The following DLG2 variants were observed in gnomAD, a reference collection of about 807,000 sequenced individuals.
DLG2 encodes disks large homolog 2.
Under a neutral mutation model 132.5 loss-of-function variants are expected in DLG2, and 45 were observed. The observed-to-expected ratio is 0.34, with a 90% CI of 0.27 to 0.44. DLG2 has a LOEUF of 0.44. DLG2 is among the 20% of genes least tolerant of loss of function. DLG2 has a pLI of 1.00. For synonymous variants in DLG2, 424 were observed against 419.6 expected (o/e 1.01, Z -0.13); for missense variants, 1,045 against 1,196.9 (o/e 0.87, Z 1.87).
At chr11:85,362,322 C>T (rs1426558535) in intron 3 of DLG2, among the ~76,000 whole-genome samples, 1 of 151,992 alleles carries the variant, frequency 6.6e-6, no homozygotes, top group African/African-American at 2.4e-5. Context: ...TTTAATATGT[C>T]CCTAGGTTTT....
In DLG2 at chr11:84,735,259, G is replaced by A. The variant is rs183993551; in HGVS notation, c.358-200528C>T. Among the ~76,000 whole-genome samples the A allele has an allele frequency of 3.5e-3, 533 of 152,134 alleles. 2 individuals are homozygous for A. The highest frequency in any genetic ancestry group is 9.7e-3 in the African/African-American group (404 of 41,540). Reference sequence around the variant, plus strand: ...TCTGGTAGAATTTGGCTGTGAATCCGTCTGGTCCTGGACTTTTTTGGTTGG... The same window carrying A: ...TCTGGTAGAATTTGGCTGTGAATCCATCTGGTCCTGGACTTTTTTGGTTGG... On this transcript the variant is annotated intron_variant, in intron 6 of 27. Coordinates refer to ENST00000376104, the MANE Select transcript of DLG2 (RefSeq NM_001142699.3).
intron 19 of DLG2, among the ~76,000 whole-genome samples, chr11:83,584,342 G>C (rs1301181370): frequency 2.6e-5 from 4 of 152,220 alleles, no homozygotes; most frequent in Non-Finnish European, 1.5e-5. Flanking sequence ...ATGTAAAGGA[G>C]TTGATAGCCC....
intron 7 of DLG2, among the ~76,000 whole-genome samples, chr11:84,482,480 A>G (rs959747345): frequency 3.9e-5 from 6 of 152,226 alleles, no homozygotes; most frequent in African/African-American, 1.4e-4. Flanking sequence ...ATGTCAGTTA[A>G]TAATAATAAA....
intron 4 of DLG2, among the ~76,000 whole-genome samples, chr11:85,274,519 T>C (rs1304686527): frequency 6.6e-6 from 1 of 152,174 alleles, no homozygotes; most frequent in East Asian, 1.9e-4. Flanking sequence ...GACTAACCAT[T>C]ACAGTAAAGA....
At chr11:83,603,290 TC>T (rs1202897360) in intron 19 of DLG2, among the ~76,000 whole-genome samples, 2 of 152,166 alleles carry the variant, frequency 1.3e-5, no homozygotes, top group East Asian at 3.9e-4. Flanking sequence ...CATAAGTAAC[TC>T]TCCTGAAATT....
chr11:84,365,627 C>T (rs533256339), intron 7 of DLG2, among the ~76,000 whole-genome samples: 90 of 151,882 alleles, frequency 5.9e-4, no homozygotes, highest in African/African-American at 2.2e-3. Context: ...TGGATCTTTC[C>T]TGCTTTCTCT....
chr11:84,975,955 C>T (rs1431159321), intron 6 of DLG2, among the ~76,000 whole-genome samples: 4 of 152,138 alleles, frequency 2.6e-5, no homozygotes, highest in African/African-American at 9.7e-5. Flanking sequence ...AATGTCATCC[C>T]TTTCATTCCT....
intron 8 of DLG2, among the ~76,000 whole-genome samples, chr11:84,194,666 A>C (rs1003448317): frequency 6.6e-6 from 1 of 152,196 alleles, no homozygotes; most frequent in Non-Finnish European, 1.5e-5. Flanking sequence ...TGGTGTATTT[A>C]CAAACCTTTA....
intron 18 of DLG2, among the ~76,000 whole-genome samples, chr11:83,778,574 T>C (rs185313640): frequency 9.2e-5 from 14 of 152,306 alleles, no homozygotes; most frequent in Non-Finnish European, 1.5e-4. Flanking sequence ...ATTATTAACC[T>C]ATAATCAGCT....
chr11:84,276,690 C>T (rs2097786079), intron 7 of DLG2, among the ~76,000 whole-genome samples: 1 of 152,158 alleles, frequency 6.6e-6, no homozygotes, highest in African/African-American at 2.4e-5. Context: ...TCTATCACAT[C>T]TAAATATGTC....
At chr11:84,160,496 T>A (rs2085031) in intron 9 of DLG2, among the ~76,000 whole-genome samples, 130,789 of 151,566 alleles carry the variant, frequency 0.86, 56,699 homozygotes, top group Middle Eastern at 0.94. Context: ...AGGTTAAAAT[T>A]TAAAAAATGA....
At chr11:85,504,577 T>C (rs150106533) in intron 3 of DLG2, among the ~76,000 whole-genome samples, 14,702 of 152,256 alleles carry the variant, frequency 0.097, 1,133 homozygotes, top group Non-Finnish European at 0.13. Flanking sequence ...TCTATATCTC[T>C]GTTTTGGTAA....
intron 21 of DLG2, among the ~76,000 whole-genome samples, chr11:83,517,387 C>G (rs2095332074): frequency 1.3e-5 from 2 of 152,148 alleles, no homozygotes; most frequent in African/African-American, 2.4e-5. Flanking sequence ...CCTTTATGGA[C>G]TTCTCTGCAT....
chr11:85,041,337 G>C (rs2061847463), intron 6 of DLG2, among the ~76,000 whole-genome samples: 1 of 151,858 alleles, frequency 6.6e-6, no homozygotes, highest in Non-Finnish European at 1.5e-5. Flanking sequence ...TTTATTGCTG[G>C]ATTTTATATT....
chr11:85,079,960 T>A (rs2154171212), intron 6 of DLG2, among the ~76,000 whole-genome samples: 1 of 152,158 alleles, frequency 6.6e-6, no homozygotes, highest in Admixed American at 6.5e-5. Context: ...TCTCAGTAAT[T>A]TTCTTTCAGT....
chr11:84,533,905 CAAAAAAAAAAAAAAAA>C (rs558597260), intron 7 of DLG2, among the ~76,000 whole-genome samples: 16 of 70,284 alleles, frequency 2.3e-4, no homozygotes, highest in South Asian at 2.3e-3. Context: ...CCAGTTCAGC[CAAAAAAAAAAAAAAAA>C]AAAAAAAAAA....
chr11:85,409,306 G>T (rs2089092869), intron 3 of DLG2, among the ~76,000 whole-genome samples: 2 of 151,874 alleles, frequency 1.3e-5, no homozygotes, highest in African/African-American at 2.4e-5. Context: ...TTCACACAAG[G>T]TTAAGAACAT....
At chr11:83,948,614 GA>G (rs3040355) in intron 14 of DLG2, among the ~76,000 whole-genome samples, 94,460 of 148,098 alleles carry the variant, frequency 0.64, 30,853 homozygotes, top group Non-Finnish European at 0.74. Flanking sequence ...TGTAGTACTG[GA>G]AAAAAAAAAA....
chr11:84,077,693 T>C (rs2096848147), intron 10 of DLG2, among the ~76,000 whole-genome samples: 1 of 152,244 alleles, frequency 6.6e-6, no homozygotes, highest in Non-Finnish European at 1.5e-5. Context: ...ATTTCAAATG[T>C]ATCCCATGGG....
Sources: gnomAD v4.1 joint callset for allele counts (sites outside exome capture counted in the v4.1 genomes callset) on GRCh38, gnomAD v4.1.1 for gene constraint, MANE v1.5 for transcripts, NCBI Gene and HGNC (gene_info 2026-07-23, HGNC 2026-07-21) for gene names.